Variants in ZNF407 observed in about 807,000 individuals in gnomAD.
The protein encoded by ZNF407 is zinc finger protein 407.
A neutral mutation model predicts 131.2 loss-of-function variants in ZNF407; 17 were observed. The ratio of observed to expected loss-of-function variants is 0.13; its 90% confidence interval spans 0.09 to 0.19. ZNF407 has a LOEUF of 0.19. Among genes scored for constraint, ZNF407 ranks in the 10% least tolerant of loss-of-function variants. The pLI is 1.00. For missense variants in ZNF407, 2,681 were observed against 2,830.6 expected, an observed-to-expected ratio of 0.95 and a Z score of 1.20; for synonymous variants, 1,156 against 1,062.0, an observed-to-expected ratio of 1.09 and a Z score of -1.72.
intron 8 of ZNF407, among the ~76,000 whole-genome samples, chr18:75,057,955 A>G (rs1288550126): frequency 6.6e-6 from 1 of 152,182 alleles, no homozygotes; most frequent in African/African-American, 2.4e-5. Context: ...TTTTAATTAA[A>G]TGTAAGCTTA....
At chr18:74,645,781 G>A (rs575302573) in intron 3 of ZNF407, among the ~76,000 whole-genome samples, 21 of 152,050 alleles carry the variant, frequency 1.4e-4, no homozygotes, top group African/African-American at 4.1e-4. Flanking sequence ...GCTTCATAAC[G>A]TGTCAGAGAA....
chr18:74,785,183 C>A (rs749315667), intron 4 of ZNF407, among the ~76,000 whole-genome samples: 70 of 150,834 alleles, frequency 4.6e-4, no homozygotes, highest in Non-Finnish European at 8.9e-5. Flanking sequence ...CAGATCAAAA[C>A]CTTACGTATT....
intron 3 of ZNF407, among the ~76,000 whole-genome samples, chr18:74,642,534 A>AT (rs1187481824): frequency 6.6e-6 from 1 of 152,110 alleles, no homozygotes; most frequent in African/African-American, 2.4e-5. Flanking sequence ...AATTCCATTT[A>AT]TTTTTTAATT....
intron 1 of ZNF407, among the ~76,000 whole-genome samples, chr18:74,598,705 C>G (rs988641002): frequency 1.3e-5 from 2 of 152,270 alleles, no homozygotes; most frequent in East Asian, 1.9e-4. Flanking sequence ...GCGGGGAGAC[C>G]CGCGGCTGCC....
chr18:74,790,146 A>C (rs977738986), intron 4 of ZNF407, among the ~76,000 whole-genome samples: 3 of 152,174 alleles, frequency 2.0e-5, no homozygotes, highest in Non-Finnish European at 4.4e-5. Context: ...CCAGAAAGAA[A>C]CCAAAAGACT....
chr18:74,772,790 G>T (rs1340666154), intron 3 of ZNF407, among the ~76,000 whole-genome samples: 3 of 152,116 alleles, frequency 2.0e-5, no homozygotes, highest in Non-Finnish European at 4.4e-5. Context: ...TGTCACGGGG[G>T]TATGTGGAGT....
chr18:74,782,809 C>T (rs537705425), intron 4 of ZNF407, among the ~76,000 whole-genome samples: 113 of 151,838 alleles, frequency 7.4e-4, no homozygotes, highest in Non-Finnish European at 1.2e-3. Flanking sequence ...TTAGTAGAGA[C>T]GGGGTTTCAC....
At chr18:74,653,492 T>G (rs1310200290) in intron 3 of ZNF407, among the ~76,000 whole-genome samples, 1 of 151,924 alleles carries the variant, frequency 6.6e-6, no homozygotes. Flanking sequence ...AATATATATT[T>G]GCAGAACTAT....
At chr18:74,675,839 A>G (rs1168911440) in intron 3 of ZNF407, among the ~76,000 whole-genome samples, 2 of 152,170 alleles carry the variant, frequency 1.3e-5, no homozygotes, top group Non-Finnish European at 2.9e-5. Flanking sequence ...CAGTGACTAC[A>G]CCATTGTTAT....
At position 74,785,946 on chromosome 18, in the gene ZNF407, C is replaced by T. The variant is rs531876280; in HGVS notation, c.4877+4444C>T. ...CACACACGATGTCACTCACATGGCA[C>T]ACATGATGTGTGCAGTTGTGACTGA... is the stretch of plus-strand genomic sequence containing the variant. On this transcript the variant is annotated intron_variant, in intron 4 of 8. Transcript: ENST00000299687. Among the ~76,000 whole-genome samples, 8 of 152,266 alleles carry T rather than the reference C, an allele frequency of 5.3e-5. No individual in the cohort carries two copies. In the South Asian group the frequency reaches 1.5e-3, roughly 28 times the overall value.
chr18:75,014,885 G>T (rs1973024918), intron 8 of ZNF407, among the ~76,000 whole-genome samples: 2 of 152,036 alleles, frequency 1.3e-5, no homozygotes. Flanking sequence ...GCTATTCCAT[G>T]CCAATGAGTT....
chr18:74,836,946 A>G (rs570847301), intron 4 of ZNF407, among the ~76,000 whole-genome samples: 3 of 152,280 alleles, frequency 2.0e-5, no homozygotes, highest in Non-Finnish European at 4.4e-5. Flanking sequence ...AAGATCAGTG[A>G]TGAGGCCCTT....
chr18:74,799,903 CTTTT>C (rs35021931), intron 4 of ZNF407, among the ~76,000 whole-genome samples: 1 of 131,404 alleles, frequency 7.6e-6, no homozygotes, highest in Non-Finnish European at 1.6e-5. Flanking sequence ...AAAAAAAATC[CTTTT>C]TTTTTTTTTT....
chr18:74,729,053 G>A (rs1488285974), intron 3 of ZNF407, among the ~76,000 whole-genome samples: 1 of 152,088 alleles, frequency 6.6e-6, no homozygotes, highest in Non-Finnish European at 1.5e-5. Flanking sequence ...TGCCAGGACA[G>A]GTTTGTATCT....
intron 4 of ZNF407, among the ~76,000 whole-genome samples, chr18:74,782,410 A>G (rs1362344936): frequency 6.6e-6 from 1 of 152,062 alleles, no homozygotes; most frequent in Non-Finnish European, 1.5e-5. Flanking sequence ...TGTTAATGGG[A>G]ATTTAAGTTG....
intron 8 of ZNF407, among the ~76,000 whole-genome samples, chr18:74,948,462 A>G (rs529261405): frequency 3.3e-5 from 5 of 152,324 alleles, no homozygotes; most frequent in East Asian, 1.9e-4. Flanking sequence ...GTAAAAGACA[A>G]TAAGTATCCA....
chr18:74,635,153 C>T lies in ZNF407; in HGVS notation c.4134C>T (p.Gly1378=). The change falls in exon 2 of 9, where the codon GGC becomes GGT. Residue 1378 remains glycine, a synonymous_variant. Coordinates refer to ENST00000299687, the MANE Select transcript of ZNF407 (RefSeq NM_017757.3). The surrounding 1 kb of genome is among the most constrained non-coding windows in gnomAD (Gnocchi z 4.7). Reference sequence around the variant, plus strand: ...AGTTGATAGACCAGTCTGAAGAGGGCTTGATAGCAACGGGAGTGAGAATTA... The same window carrying T: ...AGTTGATAGACCAGTCTGAAGAGGGTTTGATAGCAACGGGAGTGAGAATTA... ...DGELIDQSEE[G]LIATGVRISE... 6.2e-7 allele frequency: 1 copy of T among 1,613,964 alleles called. No homozygotes were observed. The highest frequency in any genetic ancestry group is 8.5e-7 in the Non-Finnish European group (1 of 1,179,890).
At chr18:74,862,115 A>C (rs183060086) in intron 4 of ZNF407, among the ~76,000 whole-genome samples, 133 of 152,354 alleles carry the variant, frequency 8.7e-4, no homozygotes, top group African/African-American at 3.1e-3. Flanking sequence ...AAATTGTTTA[A>C]ATTTGTTATT....
At position 74,745,556 on chromosome 18, in the gene ZNF407, T is replaced by C. The variant is rs902129201; in HGVS notation, c.4803-35872T>C. On this transcript the variant is annotated intron_variant, in intron 3 of 8. Transcript: ENST00000299687. ...TTGTGGTTCCACAGAGTTTCAGCTTTGCTTGAAACTATCTTCTTGCCTTTG... is the reference window on the plus strand; with the variant it reads ...TTGTGGTTCCACAGAGTTTCAGCTTCGCTTGAAACTATCTTCTTGCCTTTG... Among the ~76,000 whole-genome samples, 12 of 152,224 alleles carry C rather than the reference T, an allele frequency of 7.9e-5. 1 individual carries two copies.
Sources: gnomAD v4.1 joint callset for allele counts (sites outside exome capture counted in the v4.1 genomes callset) on GRCh38, gnomAD v4.1.1 for gene constraint, Gnocchi (gnomAD v3.1) non-coding constraint, MANE v1.5 for transcripts, NCBI Gene and HGNC (gene_info 2026-07-23, HGNC 2026-07-21) for gene names.